Variants in CTIF observed in about 807,000 individuals in gnomAD.
The protein encoded by CTIF is cap binding complex dependent translation initiation factor, also known as CBP80/20-dependent translation initiation factor.
A neutral mutation model predicts 66.0 loss-of-function variants in CTIF; 21 were observed. The observed-to-expected ratio is 0.32, with a 90% CI of 0.23 to 0.46. The LOEUF (loss-of-function observed/expected upper bound fraction) is 0.46, where lower values mean the gene tolerates loss of function less well. Among genes scored for constraint, CTIF ranks in the 20% least tolerant of loss-of-function variants. CTIF has a pLI of 1.00. For synonymous variants in CTIF, 345 were observed against 326.4 expected, an observed-to-expected ratio of 1.06 and a Z score of -0.62; for missense variants, 739 against 812.7, an observed-to-expected ratio of 0.91 and a Z score of 1.10.
At chr18:48,801,564 C>T (rs904306190) in intron 9 of CTIF, among the ~76,000 whole-genome samples, 2 of 152,192 alleles carry the variant, frequency 1.3e-5, no homozygotes, top group Non-Finnish European at 2.9e-5. Flanking sequence ...AGCTTCAGGC[C>T]GAGTCATTCT....
intron 9 of CTIF, among the ~76,000 whole-genome samples, chr18:48,806,949 T>C (rs2068160001): frequency 6.6e-6 from 1 of 152,038 alleles, no homozygotes; most frequent in African/African-American, 2.4e-5. Flanking sequence ...TGCTGGGAGG[T>C]AGCCTGCCAA....
intron 1 of CTIF, among the ~76,000 whole-genome samples, chr18:48,546,171 G>T (rs1464739842): frequency 6.6e-6 from 1 of 152,142 alleles, no homozygotes; most frequent in African/African-American, 2.4e-5. Context: ...GGGAAGAGTG[G>T]AATGCAACTT....
chr18:48,721,333 C>T (rs1441190597), intron 7 of CTIF, among the ~76,000 whole-genome samples: 3 of 152,178 alleles, frequency 2.0e-5, no homozygotes, highest in Non-Finnish European at 4.4e-5. Flanking sequence ...TAGGATGGGA[C>T]GTAGAATGGA....
At chr18:48,641,518 G>C (rs1432873340) in intron 3 of CTIF, among the ~76,000 whole-genome samples, 1 of 152,172 alleles carries the variant, frequency 6.6e-6, no homozygotes, top group African/African-American at 2.4e-5. Context: ...TTTTGACTGA[G>C]GGCCTATGAT....
chr18:48,791,551 G>T (rs1246647083), intron 9 of CTIF, among the ~76,000 whole-genome samples: 1 of 151,824 alleles, frequency 6.6e-6, no homozygotes, highest in East Asian at 1.9e-4. Context: ...TGGCCCTGGG[G>T]GCTCCCCTTA....
chr18:48,663,210 T>C (rs2091376470), intron 3 of CTIF, among the ~76,000 whole-genome samples: 1 of 152,196 alleles, frequency 6.6e-6, no homozygotes, highest in African/African-American at 2.4e-5. Context: ...AACCAAATCA[T>C]AGAAGCTGCA....
chr18:48,674,397 G>A, intron 6 of CTIF, among the ~76,000 whole-genome samples: 1 of 152,228 alleles, frequency 6.6e-6, no homozygotes, highest in Admixed American at 6.5e-5. Flanking sequence ...GTACAAAGCA[G>A]AGGGCGCCAT....
At chr18:48,586,990 G>T (rs1261167801) in intron 1 of CTIF, among the ~76,000 whole-genome samples, 1 of 151,924 alleles carries the variant, frequency 6.6e-6, no homozygotes, top group African/African-American at 2.4e-5. Flanking sequence ...CCTTAGCCAG[G>T]CTCCCCTGTT....
At chr18:48,675,255 T>C (rs563129187) in intron 6 of CTIF, among the ~76,000 whole-genome samples, 9 of 152,288 alleles carry the variant, frequency 5.9e-5, no homozygotes, top group Non-Finnish European at 1.0e-4. Context: ...TTGGCATCTC[T>C]ATCACAGGAG....
intron 3 of CTIF, among the ~76,000 whole-genome samples, chr18:48,649,442 A>G (rs2091114363): frequency 1.3e-5 from 2 of 152,244 alleles, no homozygotes; most frequent in African/African-American, 4.8e-5. Context: ...TAAACAGAGC[A>G]GCTGGGGAAG....
intron 9 of CTIF, among the ~76,000 whole-genome samples, chr18:48,764,347 G>A (rs1453774862): frequency 6.6e-6 from 1 of 152,182 alleles, no homozygotes; most frequent in Non-Finnish European, 1.5e-5. Context: ...TGAAGGAGTT[G>A]AACTTAAACC....
chr18:48,647,556 T>C (rs764993129), intron 3 of CTIF, among the ~76,000 whole-genome samples: 15 of 152,244 alleles, frequency 9.9e-5, no homozygotes, highest in Non-Finnish European at 1.6e-4. Context: ...TTTTTACAAG[T>C]ATGTATGAAT....
At chr18:48,757,240 T>A (rs1908457931) in intron 7 of CTIF, among the ~76,000 whole-genome samples, 1 of 152,192 alleles carries the variant, frequency 6.6e-6, no homozygotes, top group African/African-American at 2.4e-5. Context: ...CCATCATGTC[T>A]TATCTCCAAA....
chr18:48,733,959 G>A (rs892065198), intron 7 of CTIF, among the ~76,000 whole-genome samples: 1 of 152,268 alleles, frequency 6.6e-6, no homozygotes, highest in African/African-American at 2.4e-5. Context: ...TCATTCTCAA[G>A]GAGGCGGGTA....
chr18:48,552,988 A>C (rs1258974005), intron 1 of CTIF, among the ~76,000 whole-genome samples: 1 of 152,196 alleles, frequency 6.6e-6, no homozygotes. Context: ...TGAGGTTCCC[A>C]GTGCCCATCC....
intron 1 of CTIF, among the ~76,000 whole-genome samples, chr18:48,554,607 C>A (rs937535509): frequency 1.3e-5 from 2 of 152,246 alleles, no homozygotes; most frequent in African/African-American, 2.4e-5. Flanking sequence ...GGAACATGGC[C>A]CCTTTCCCAA....
At chr18:48,559,294 C>G (rs2089096246) in intron 1 of CTIF, among the ~76,000 whole-genome samples, 1 of 151,940 alleles carries the variant, frequency 6.6e-6, no homozygotes, top group Admixed American at 6.6e-5. Flanking sequence ...CCTAGTTTTC[C>G]CCGAATATCT....
At chr18:48,664,912 T>C (rs1265835684) in intron 5 of CTIF, among the ~76,000 whole-genome samples, 1 of 148,144 alleles carries the variant, frequency 6.8e-6, no homozygotes, top group African/African-American at 2.5e-5. Flanking sequence ...TTTCTTTCTT[T>C]TTTTTTTTTT....
chr18:48,596,481 T>C (rs184989489), intron 1 of CTIF, among the ~76,000 whole-genome samples: 67 of 152,034 alleles, frequency 4.4e-4, no homozygotes, highest in Admixed American at 2.4e-3. Context: ...TTCTTTCTTT[T>C]TTTTTTTTTC....
Sources: allele counts gnomAD v4.1 joint callset (sites outside exome capture counted in the v4.1 genomes callset), GRCh38; gene constraint gnomAD v4.1.1; transcripts MANE v1.5; gene names NCBI Gene and HGNC (gene_info 2026-07-23, HGNC 2026-07-21).